The following SGCZ variants were observed in gnomAD, a reference collection of about 807,000 sequenced individuals.
The protein encoded by SGCZ is sarcoglycan zeta.
SGCZ carries 40 observed loss-of-function variants against 41.3 expected under a neutral mutation model. The ratio of observed to expected loss-of-function variants is 0.97; its 90% CI spans 0.75 to 1.26. SGCZ has a LOEUF of 1.26. SGCZ is among the 50% of genes most tolerant of loss of function. The pLI is 0.00. For synonymous variants in SGCZ, 206 were observed against 137.5 expected (o/e 1.50, Z -3.49); for missense variants, 552 against 369.8 (o/e 1.49, Z -4.04).
Position 15,205,209 on chromosome 8 carries a change from T to C in SGCZ, c.39+32376A>G, listed in dbSNP as rs537567104. Among the ~76,000 whole-genome samples the C allele has an allele frequency of 1.1e-4, 16 of 152,150 alleles. No homozygotes were observed. The South Asian group carries it at 3.1e-3, about 30-fold the overall frequency. Reference sequence around the variant, plus strand: ...AACATAGGAAGGGGCAAAGATTTCATTACAAAGACACAAAAAGCAATCACA... The same window carrying C: ...AACATAGGAAGGGGCAAAGATTTCACTACAAAGACACAAAAAGCAATCACA... On this transcript the variant is annotated intron_variant, in intron 1 of 7. Transcript: ENST00000382080.
At chr8:14,386,412 G>A (rs1804580154) in intron 2 of SGCZ, among the ~76,000 whole-genome samples, 1 of 152,044 alleles carries the variant, frequency 6.6e-6, no homozygotes, top group Admixed American at 6.6e-5. Flanking sequence ...AAGCTCTGAA[G>A]TTCTAGAAAG....
At chr8:14,107,378 T>C (rs1802238377) in intron 6 of SGCZ, among the ~76,000 whole-genome samples, 1 of 152,162 alleles carries the variant, frequency 6.6e-6, no homozygotes, top group Admixed American at 6.5e-5. Context: ...TGAGAGCTTT[T>C]ACATATAAAT....
intron 5 of SGCZ, among the ~76,000 whole-genome samples, chr8:14,113,056 T>G (rs1313797227): frequency 6.6e-6 from 1 of 152,158 alleles, no homozygotes; most frequent in African/African-American, 2.4e-5. Context: ...TTTGTGTTAT[T>G]TTAATAATCT....
intron 2 of SGCZ, among the ~76,000 whole-genome samples, chr8:14,453,249 C>A (rs527514258): frequency 6.6e-6 from 1 of 152,072 alleles, no homozygotes; most frequent in African/African-American, 2.4e-5. Flanking sequence ...TCATTGTGAG[C>A]AGCCTATGTC....
At chr8:14,468,942 C>T (rs1466586966) in intron 2 of SGCZ, among the ~76,000 whole-genome samples, 2 of 152,082 alleles carry the variant, frequency 1.3e-5, no homozygotes, top group South Asian at 2.1e-4. Context: ...TACATACATT[C>T]CATTGCCATC....
At chr8:14,706,970 T>C (rs1208202976) in intron 1 of SGCZ, among the ~76,000 whole-genome samples, 1 of 150,726 alleles carries the variant, frequency 6.6e-6, no homozygotes, top group Non-Finnish European at 1.5e-5. Flanking sequence ...TATGTTGTCA[T>C]TTAGTCAATT....
intron 2 of SGCZ, among the ~76,000 whole-genome samples, chr8:14,525,272 T>G (rs1267417622): frequency 1.3e-5 from 2 of 152,110 alleles, no homozygotes; most frequent in Non-Finnish European, 2.9e-5. Context: ...ACCTGGAAAT[T>G]CAATTGCCTA....
At chr8:14,489,669 T>G (rs1801784780) in intron 2 of SGCZ, among the ~76,000 whole-genome samples, 1 of 152,104 alleles carries the variant, frequency 6.6e-6, no homozygotes. Context: ...GCATATTTCT[T>G]TCTTATATAT....
intron 3 of SGCZ, among the ~76,000 whole-genome samples, chr8:14,310,049 TTC>T (rs1801481446): frequency 6.6e-6 from 1 of 152,204 alleles, no homozygotes; most frequent in African/African-American, 2.4e-5. Context: ...GAAAAAAAAA[TTC>T]TGTTGTTCCA....
intron 6 of SGCZ, among the ~76,000 whole-genome samples, chr8:14,103,437 C>A (rs1802097574): frequency 6.6e-6 from 1 of 152,114 alleles, no homozygotes; most frequent in Admixed American, 6.6e-5. Flanking sequence ...GGAGGGTCCC[C>A]TCGGGCTCAC....
At chr8:14,439,098 G>T (rs1585514217) in intron 2 of SGCZ, among the ~76,000 whole-genome samples, 1 of 152,014 alleles carries the variant, frequency 6.6e-6, no homozygotes, top group African/African-American at 2.4e-5. Context: ...TAACATCAAG[G>T]AGGAAAAGAT....
intron 1 of SGCZ, among the ~76,000 whole-genome samples, chr8:14,930,773 G>T (rs1490686495): frequency 1.3e-5 from 2 of 151,896 alleles, no homozygotes; most frequent in African/African-American, 2.4e-5. Flanking sequence ...ATTCATAATT[G>T]AACAATGAGA....
At chr8:15,038,761 G>A (rs1265269115) in intron 1 of SGCZ, among the ~76,000 whole-genome samples, 1 of 139,122 alleles carries the variant, frequency 7.2e-6, no homozygotes, top group Non-Finnish European at 1.5e-5. Context: ...CAATGCTTAA[G>A]CAAGAAAATA....
intron 1 of SGCZ, among the ~76,000 whole-genome samples, chr8:14,804,023 T>G (rs938376867): frequency 2.4e-5 from 3 of 124,528 alleles, no homozygotes; most frequent in South Asian, 5.5e-4. Flanking sequence ...AGGGTGCTGT[T>G]TGTTAGAAGG....
chr8:15,164,569 T>A (rs1046825103), intron 1 of SGCZ, among the ~76,000 whole-genome samples: 54 of 151,194 alleles, frequency 3.6e-4, no homozygotes, highest in African/African-American at 1.2e-3. Context: ...AAGAGGTTCT[T>A]CCCCAGGCAT....
At chr8:14,676,248 G>A (rs536217415) in intron 1 of SGCZ, among the ~76,000 whole-genome samples, 4 of 152,126 alleles carry the variant, frequency 2.6e-5, no homozygotes, top group South Asian at 2.1e-4. Flanking sequence ...AATGCAGAAG[G>A]ATCTCTTAAG....
rs1177360752 is a variant in SGCZ, at chr8:15,209,546, G to GAAAGAATA, written c.39+28038_39+28039insTATTCTTT. ...TTAAATACCTAAGTATAAAAAGAATGAAAGAGAAAAGAAGCCAGTATTTAG... is the reference window on the plus strand; with the variant it reads ...TTAAATACCTAAGTATAAAAAGAATGAAAGAATAAAAGAGAAAAGAAGCCAGTATTTAG... On this transcript the variant is annotated intron_variant, in intron 1 of 7. Transcript: ENST00000382080. Among the ~76,000 whole-genome samples the GAAAGAATA allele has an allele frequency of 5.7e-4, 86 of 150,298 alleles. 2 individuals are homozygous for GAAAGAATA. The South Asian group carries it at 0.018, about 31-fold the overall frequency.
At chr8:14,997,640 T>C (rs1344401586) in intron 1 of SGCZ, among the ~76,000 whole-genome samples, 1 of 152,166 alleles carries the variant, frequency 6.6e-6, no homozygotes, top group African/African-American at 2.4e-5. Context: ...AAGTAAAGCA[T>C]CATTATACTT....
At chr8:14,581,292 A>G (rs944170986) in intron 1 of SGCZ, among the ~76,000 whole-genome samples, 16 of 152,002 alleles carry the variant, frequency 1.1e-4, no homozygotes, top group Admixed American at 7.9e-4. Flanking sequence ...ATTTTTATAG[A>G]TACGGGGTTT....
Sources: gnomAD v4.1 joint callset for allele counts (sites outside exome capture counted in the v4.1 genomes callset) on GRCh38, gnomAD v4.1.1 for gene constraint, MANE v1.5 for transcripts, NCBI Gene and HGNC (gene_info 2026-07-23, HGNC 2026-07-21) for gene names.